The following PTPRJ variants were observed in gnomAD, a reference collection of about 807,000 sequenced individuals.
PTPRJ encodes the protein protein tyrosine phosphatase receptor type J, also known as receptor-type tyrosine-protein phosphatase eta.
Under a neutral mutation model 141.3 loss-of-function variants are expected in PTPRJ, and 129 were observed. The ratio of observed to expected loss-of-function variants is 0.91; its 90% confidence interval spans 0.79 to 1.06. The LOEUF is 1.06. PTPRJ is among the 50% of genes least tolerant of loss of function. The pLI is 0.00. For missense variants in PTPRJ, 1,601 were observed against 1,679.7 expected (o/e 0.95, Z 0.82); for synonymous variants, 610 against 640.5 (o/e 0.95, Z 0.72).
intron 18 of PTPRJ, among the ~76,000 whole-genome samples, chr11:48,150,403 G>T (rs931843189): frequency 6.6e-6 from 1 of 152,164 alleles, no homozygotes; most frequent in Non-Finnish European, 1.5e-5. Context: ...ACACAAACAG[G>T]TTACATTAAA....
chr11:48,153,921 T>G (rs1313986092), intron 19 of PTPRJ, 35 bp downstream of exon 19: 2 of 1,429,948 alleles, frequency 1.4e-6, no homozygotes, highest in Non-Finnish European at 2.0e-6. Context: ...TTCTCTGTGT[T>G]CCATCAGTGG....
chr11:48,153,735 G>A (rs1475336205), intron 18 of PTPRJ, 61 bp from the exon 19 acceptor site: 8 of 1,142,488 alleles, frequency 7.0e-6, no homozygotes, highest in African/African-American at 1.5e-5. Flanking sequence ...CATATGCTAT[G>A]CTAAATATGA....
chr11:48,029,366 A>AT (rs1287707516), intron 1 of PTPRJ, among the ~76,000 whole-genome samples: 1 of 152,252 alleles, frequency 6.6e-6, no homozygotes, highest in Non-Finnish European at 1.5e-5. Flanking sequence ...TACATGTTAC[A>AT]TAAAATTCAT....
At chr11:48,055,541 T>C (rs958901805) in intron 1 of PTPRJ, among the ~76,000 whole-genome samples, 1 of 152,218 alleles carries the variant, frequency 6.6e-6, no homozygotes, top group Non-Finnish European at 1.5e-5. Context: ...GCTGGTCTTA[T>C]GACTGACAAG....
intron 1 of PTPRJ, among the ~76,000 whole-genome samples, chr11:48,032,251 T>C (rs1590420079): frequency 6.6e-6 from 1 of 152,180 alleles, no homozygotes; most frequent in African/African-American, 2.4e-5. Context: ...TGGACTTCAA[T>C]GTACTGTTGG....
At chr11:48,088,622 C>G (rs1367810123) in intron 1 of PTPRJ, among the ~76,000 whole-genome samples, 2 of 152,118 alleles carry the variant, frequency 1.3e-5, no homozygotes, top group Non-Finnish European at 2.9e-5. Flanking sequence ...CTTCTATGGG[C>G]CCTCTATAGA....
At chr11:48,071,410 G>A (rs904324980) in intron 1 of PTPRJ, among the ~76,000 whole-genome samples, 1 of 151,610 alleles carries the variant, frequency 6.6e-6, no homozygotes, top group Non-Finnish European at 1.5e-5. Flanking sequence ...TCCGCCTCCC[G>A]GGTTCACGCC....
intron 1 of PTPRJ, among the ~76,000 whole-genome samples, chr11:48,093,165 G>C (rs1419040522): frequency 6.6e-6 from 1 of 152,206 alleles, no homozygotes; most frequent in Non-Finnish European, 1.5e-5. Context: ...CAGTGATCAT[G>C]TATGTGATTG....
chr11:48,163,449 G>A lies in PTPRJ; in HGVS notation c.3559-9G>A, dbSNP rs1302587324. The A allele has an allele frequency of 2.2e-5, 36 of 1,612,878 alleles. No homozygotes were observed. Among genetic ancestry groups the A allele is most frequent in the Non-Finnish European group, 3.1e-5 (36 of 1,179,248 alleles). ...CTGTCTGGATCTAAATCATTTTCTG[G>A]GCTTTTAGATCCAGACAAGTGAGAG... On this transcript the variant is annotated splice_polypyrimidine_tract_variant and intron_variant, in intron 22 of 24. Transcript: ENST00000418331.
intron 20 of PTPRJ, 40 bp from the exon 21 acceptor site, chr11:48,155,945 G>GT: frequency 6.2e-7 from 1 of 1,602,728 alleles, no homozygotes; most frequent in Non-Finnish European, 8.5e-7. Flanking sequence ...GCTTCTTTCT[G>GT]TTTCTTTGAG....
At chr11:48,160,318 T>C (rs1857735498) in intron 22 of PTPRJ, among the ~76,000 whole-genome samples, 2 of 152,228 alleles carry the variant, frequency 1.3e-5, no homozygotes, top group African/African-American at 4.8e-5. Context: ...AGGAACTCTT[T>C]CCTTTCTTTC....
chr11:48,163,317 A>T, intron 22 of PTPRJ, 141 bp from the exon 23 acceptor site: 1 of 710,132 alleles, frequency 1.4e-6, no homozygotes, highest in South Asian at 1.9e-5. Flanking sequence ...GCACTTTATC[A>T]GCTGCTGTGC....
chr11:48,000,464 T>G (rs1162826215), intron 1 of PTPRJ, among the ~76,000 whole-genome samples: 2 of 152,056 alleles, frequency 1.3e-5, no homozygotes, highest in African/African-American at 4.8e-5. Flanking sequence ...TCCCGTAAAT[T>G]GAGGTGTGTT....
intron 1 of PTPRJ, among the ~76,000 whole-genome samples, chr11:48,107,200 C>G (rs906815224): frequency 6.6e-6 from 1 of 151,754 alleles, no homozygotes; most frequent in Non-Finnish European, 1.5e-5. Flanking sequence ...GGAGGAGGAT[C>G]CTTGTGACTG....
At chr11:48,132,477 A>T in intron 8 of PTPRJ, 1 of 983,792 alleles carries the variant, frequency 1.0e-6, no homozygotes, top group Non-Finnish European at 1.2e-6. Flanking sequence ...TTGTTTTAAA[A>T]TTTTGAAATA....
At position 48,154,771 on chromosome 11, in the gene PTPRJ, G is replaced by C. The variant is rs377387644; in HGVS notation, c.3229+885G>C. ...TTCCTTGTACTTGACAAGGAGTATT[G>C]GCCCATGTTCTGAGGGAAATGCTTT... On this transcript the variant is annotated intron_variant, in intron 19 of 24. Transcript: ENST00000418331. 1.6e-4 allele frequency among the ~76,000 whole-genome samples: 25 copies of C among 152,242 alleles called. No homozygotes were observed. In the East Asian group the frequency reaches 4.4e-3, roughly 27 times the overall value.
chr11:48,109,678 C>T (rs188687201), intron 1 of PTPRJ, among the ~76,000 whole-genome samples: 5 of 150,150 alleles, frequency 3.3e-5, no homozygotes, highest in Non-Finnish European at 7.4e-5. Flanking sequence ...TTTTTTGGCC[C>T]TGACAATCTG....
rs1266322766 is a variant in PTPRJ, at chr11:47,980,694, C to T, written c.-219C>T. On this transcript the variant is annotated 5_prime_UTR_variant, in exon 1 of 25. Transcript: ENST00000418331. ...TGCGCGCTCAGGGACGCGGCCCCCC[C>T]GCGGCAGCCGCGCTAGGCTCCGGCG... The T allele has an allele frequency of 1.0e-6, 1 of 991,716 alleles. No individual in the cohort carries two copies. Among genetic ancestry groups the T allele is most frequent in the Non-Finnish European group, 1.2e-6 (1 of 835,620 alleles). The allele number at this position is 991,716 out of a possible 1,614,324, so 61.4% of individuals were successfully genotyped here.
intron 1 of PTPRJ, chr11:48,014,363 G>A (rs1478989584): frequency 1.3e-5 from 2 of 152,188 alleles, no homozygotes; most frequent in East Asian, 1.9e-4. Flanking sequence ...GAGGGAAGGG[G>A]ATATAAAACC....
Sources: gnomAD v4.1 joint callset for allele counts (sites outside exome capture counted in the v4.1 genomes callset) on GRCh38, gnomAD v4.1.1 for gene constraint, MANE v1.5 for transcripts, NCBI Gene and HGNC (gene_info 2026-07-23, HGNC 2026-07-21) for gene names.